RGS20: variants seen among roughly 807,000 people sequenced by gnomAD.
RGS20 encodes regulator of G protein signaling 20.
RGS20 carries 30 observed loss-of-function variants against 33.6 expected under a neutral mutation model. The ratio of observed to expected loss-of-function variants is 0.89; its 90% CI spans 0.67 to 1.21. RGS20 has a LOEUF of 1.21. Among genes scored for constraint, RGS20 ranks in the 50% most tolerant of loss-of-function variants. The pLI is 0.00. For missense variants in RGS20, 472 were observed against 502.4 expected, an observed-to-expected ratio of 0.94 and a Z score of 0.58; for synonymous variants, 208 against 197.9, an observed-to-expected ratio of 1.05 and a Z score of -0.43.
At chr8:53,898,132 T>C (rs541375711) in intron 2 of RGS20, among the ~76,000 whole-genome samples, 1 of 152,330 alleles carries the variant, frequency 6.6e-6, no homozygotes, top group East Asian at 1.9e-4. Flanking sequence ...GCTGCTGCTC[T>C]GCCTCCCCCT....
chr8:53,923,526 C>A (rs1306048340), intron 2 of RGS20, among the ~76,000 whole-genome samples: 2 of 151,326 alleles, frequency 1.3e-5, no homozygotes, highest in African/African-American at 4.9e-5. Context: ...GCCCGGGAGG[C>A]AAAGGTTGCA....
At chr8:53,857,234 G>A (rs1460667111) in intron 1 of RGS20, among the ~76,000 whole-genome samples, 1 of 152,220 alleles carries the variant, frequency 6.6e-6, no homozygotes, top group Non-Finnish European at 1.5e-5. Flanking sequence ...TCTCTGCCGT[G>A]GCTAGCATGC....
chr8:53,877,546 T>A lies in RGS20; in HGVS notation c.166-1712T>A, dbSNP rs1342348837. ...CTGGGCGCCAAGACCGATTTCCAAG[T>A]CGCCCACTTTCCCCCTCGAGGGAGC... On this transcript the variant is annotated intron_variant, in intron 1 of 5. Coordinates refer to ENST00000297313, the MANE Select transcript of RGS20 (RefSeq NM_170587.4). This position sits in a 1 kb window ranked among gnomAD's most constrained non-coding sequence, Gnocchi z 5.7. 6.6e-6 allele frequency among the ~76,000 whole-genome samples: 1 copy of A among 152,168 alleles called. No individual in the cohort carries two copies. Among genetic ancestry groups the A allele is most frequent in the Non-Finnish European group, 1.5e-5 (1 of 68,006 alleles).
chr8:53,884,232 C>G (rs529180376), intron 2 of RGS20, among the ~76,000 whole-genome samples: 28 of 130,022 alleles, frequency 2.2e-4, no homozygotes, highest in East Asian at 1.8e-3. Flanking sequence ...GTCTCACTCT[C>G]TCACCCAGGC....
At chr8:53,889,412 CTTTTTTTTTTTTTTTTTTTTTTTTTT>C (rs34316630) in intron 2 of RGS20, among the ~76,000 whole-genome samples, 1 of 41,834 alleles carries the variant, frequency 2.4e-5, no homozygotes. Context: ...CTCTCTCTCT[CTTTTTTTTTTTTTTTTTTTTTTTTTT>C]TTTTTTTTTT....
chr8:53,855,955 A>T (rs1375480792), intron 1 of RGS20, among the ~76,000 whole-genome samples: 1 of 152,190 alleles, frequency 6.6e-6, no homozygotes, highest in Non-Finnish European at 1.5e-5. Context: ...GCATATGTGA[A>T]GTCAGCTGAG....
rs1044677369 is a variant in RGS20 at position 53,898,476 on chromosome 8, T to C, written c.510+18874T>C. On this transcript the variant is annotated intron_variant, in intron 2 of 5. Coordinates refer to ENST00000297313, the MANE Select transcript of RGS20 (RefSeq NM_170587.4). The stretch of plus-strand genomic sequence containing the variant: ...TCACCATTACTTCCATATAATAACC[T>C]TGTGGCACTTTAACAGAAGTGTGGA... Among the ~76,000 whole-genome samples the C allele has an allele frequency of 1.6e-4, 25 of 152,202 alleles. 1 individual carries two copies. Among genetic ancestry groups the C allele is most frequent in the Admixed American group, 1.1e-3 (17 of 15,276 alleles).
At chr8:53,902,223 C>T (rs1813051772) in intron 2 of RGS20, among the ~76,000 whole-genome samples, 1 of 152,088 alleles carries the variant, frequency 6.6e-6, no homozygotes, top group Non-Finnish European at 1.5e-5. Context: ...TGCCATGTTG[C>T]CCAGGCCGGT....
At chr8:53,935,167 T>A (rs537449208) in intron 2 of RGS20, among the ~76,000 whole-genome samples, 1 of 152,242 alleles carries the variant, frequency 6.6e-6, no homozygotes, top group East Asian at 1.9e-4. Context: ...AGGAAAAATC[T>A]AGAATTGACA....
intron 5 of RGS20, among the ~76,000 whole-genome samples, chr8:53,954,870 T>G (rs2129294480): frequency 6.6e-6 from 1 of 150,964 alleles, no homozygotes. Flanking sequence ...GTATTTTTAG[T>G]AGAGACAGGG....
At chr8:53,904,819 G>A (rs1813122087) in intron 2 of RGS20, among the ~76,000 whole-genome samples, 1 of 152,168 alleles carries the variant, frequency 6.6e-6, no homozygotes, top group South Asian at 2.1e-4. Flanking sequence ...GCTGACATTA[G>A]GAAAGAACAA....
intron 4 of RGS20, among the ~76,000 whole-genome samples, chr8:53,949,636 G>A (rs1227326567): frequency 6.6e-6 from 1 of 151,364 alleles, no homozygotes; most frequent in Non-Finnish European, 1.5e-5. Flanking sequence ...AGAATTGCTT[G>A]AACACTGGAG....
At chr8:53,862,506 C>G (rs1437272308) in intron 1 of RGS20, among the ~76,000 whole-genome samples, 1 of 152,164 alleles carries the variant, frequency 6.6e-6, no homozygotes, top group Non-Finnish European at 1.5e-5. Flanking sequence ...GTCTTCACTT[C>G]AAAACCTCCT....
chr8:53,852,623 TTG>T (rs1289172965), intron 1 of RGS20, among the ~76,000 whole-genome samples: 1 of 152,178 alleles, frequency 6.6e-6, no homozygotes, highest in Non-Finnish European at 1.5e-5. Flanking sequence ...CTGCTGGATG[TTG>T]TGTGTATATT....
intron 5 of RGS20, among the ~76,000 whole-genome samples, chr8:53,957,859 C>G (rs1814915768): frequency 6.6e-6 from 1 of 152,174 alleles, no homozygotes; most frequent in African/African-American, 2.4e-5. Flanking sequence ...ATTTAAAAAA[C>G]AACAAGGCCG....
intron 2 of RGS20, among the ~76,000 whole-genome samples, chr8:53,904,482 G>GT (rs1227560239): frequency 2.6e-5 from 4 of 152,088 alleles, no homozygotes; most frequent in South Asian, 4.1e-4. Flanking sequence ...TGATTTGGCT[G>GT]TTTTTTTCTA....
At chr8:53,932,846 G>A (rs1488299973) in intron 2 of RGS20, among the ~76,000 whole-genome samples, 1 of 152,138 alleles carries the variant, frequency 6.6e-6, no homozygotes, top group Non-Finnish European at 1.5e-5. Flanking sequence ...TCCCAGCAGG[G>A]GTCGACAGAC....
chr8:53,947,854 T>C (rs903427655), intron 4 of RGS20, among the ~76,000 whole-genome samples: 2 of 138,120 alleles, frequency 1.4e-5, no homozygotes, highest in Admixed American at 7.6e-5. Flanking sequence ...GGATATAGTA[T>C]ATACATTTAT....
Position 53,918,550 on chromosome 8 carries a change from G to A in RGS20, c.511-21026G>A, listed in dbSNP as rs574481814. ...CTACAGGTGCCCACCACCACACCCA[G>A]CTAATTTTTTGTATTTTTAGTAGAG... On this transcript the variant is annotated intron_variant, in intron 2 of 5. Coordinates refer to ENST00000297313, the MANE Select transcript of RGS20 (RefSeq NM_170587.4). 1.4e-4 allele frequency among the ~76,000 whole-genome samples: 22 copies of A among 152,076 alleles called. No individual in the cohort carries two copies. The South Asian group carries it at 4.4e-3, about 30-fold the overall frequency.
Sources: allele counts gnomAD v4.1 joint callset (sites outside exome capture counted in the v4.1 genomes callset), GRCh38; gene constraint gnomAD v4.1.1; non-coding constraint Gnocchi (gnomAD v3.1); transcripts MANE v1.5; gene names NCBI Gene and HGNC (gene_info 2026-07-23, HGNC 2026-07-21).